Variants in UTY observed in about 807,000 individuals in gnomAD.
The protein encoded by UTY is ubiquitously transcribed tetratricopeptide repeat containing, Y-linked.
UTY carries 12 observed loss-of-function variants against 32.5 expected under a neutral mutation model. The observed-to-expected ratio is 0.37, with a 90% CI of 0.24 to 0.60. The LOEUF is 0.60. Among genes scored for constraint, UTY ranks in the 20% least tolerant of loss-of-function variants. The pLI is 0.69. For missense variants in UTY, 303 were observed against 299.2 expected, an observed-to-expected ratio of 1.01 and a Z score of -0.09; for synonymous variants, 131 against 103.4, an observed-to-expected ratio of 1.27 and a Z score of -1.62.
At chrY:13,380,061 G>A (rs867958341) in intron 8 of UTY, among the ~76,000 whole-genome samples, 5 of 3,629 alleles carry the variant, frequency 1.4e-3, no homozygotes, top group African/African-American at 9.7e-3. Flanking sequence ...GTGTGTGTGT[G>A]TATATATATA....
At chrY:13,296,284 G>A (rs2058029339) in intron 27 of UTY, among the ~76,000 whole-genome samples, 1 of 33,838 alleles carries the variant, frequency 3.0e-5, no homozygotes, top group African/African-American at 1.2e-4. Context: ...GCCCTGGCTT[G>A]TCCCTCCCTA....
At chrY:13,304,223 G>T (rs1275007104) in intron 24 of UTY, 1 of 106,319 alleles carries the variant, frequency 9.4e-6, no homozygotes, top group Non-Finnish European at 2.0e-5. Flanking sequence ...GAAGACAAAA[G>T]AAATTTTTTG....
chrY:13,283,477 A>T, intron 27 of UTY, among the ~76,000 whole-genome samples: 5 of 33,695 alleles, frequency 1.5e-4, no homozygotes, highest in African/African-American at 4.7e-4. Context: ...TGTTAAAAAA[A>T]TTTTCAAGAA....
chrY:13,417,599 G>A (rs750535544), intron 4 of UTY, among the ~76,000 whole-genome samples: 3 of 33,355 alleles, frequency 9.0e-5, no homozygotes, highest in Admixed American at 8.1e-4. Context: ...GGCACATCCA[G>A]GCTACACAAG....
At chrY:13,354,886 A>G in intron 17 of UTY, 117 bp downstream of exon 17, 1 of 362,722 alleles carries the variant, frequency 2.8e-6, no homozygotes, top group Non-Finnish European at 3.8e-6. Flanking sequence ...CAATTACTTA[A>G]ATTACTTTTT....
intron 2 of UTY, among the ~76,000 whole-genome samples, chrY:13,477,778 A>G (rs2079209521): frequency 3.0e-5 from 1 of 33,829 alleles, no homozygotes. Flanking sequence ...AGAAAACATC[A>G]AATTACTTTT....
At chrY:13,440,819 T>A (rs2075105521) in intron 4 of UTY, among the ~76,000 whole-genome samples, 2 of 33,604 alleles carry the variant, frequency 6.0e-5, no homozygotes, top group African/African-American at 1.2e-4. Context: ...CCTGCCAGAT[T>A]ACAAGAACAC....
chrY:13,386,395 C>T (rs1603447935), intron 8 of UTY, among the ~76,000 whole-genome samples: 10 of 31,968 alleles, frequency 3.1e-4, no homozygotes, highest in African/African-American at 1.2e-3. Flanking sequence ...CCACCGCGCC[C>T]GGCCAAGTCT....
intron 18 of UTY, among the ~76,000 whole-genome samples, chrY:13,332,182 T>A (rs928784739): frequency 1.8e-4 from 6 of 33,826 alleles, no homozygotes; most frequent in African/African-American, 6.9e-4. Flanking sequence ...AAAAAGGAGC[T>A]GGTACTATTC....
intron 7 of UTY, chrY:13,396,329 T>C (rs2068229110): frequency 3.0e-5 from 1 of 33,772 alleles, no homozygotes; most frequent in Non-Finnish European, 7.4e-5. Flanking sequence ...AAAAGGTCTT[T>C]AATATTCTAA....
rs747336467 is a variant in UTY at position 13,417,997 on chromosome Y, G to A, written c.376-3204C>T. On this transcript the variant is annotated intron_variant, in intron 4 of 29. Transcript: ENST00000545955. ...TGTTACGTATGTATACATGTGCCAC[G>A]TTGATGTGCTGCACCCATTAACTCG... 2.9e-4 allele frequency among the ~76,000 whole-genome samples: 9 copies of A among 30,682 alleles called. No homozygotes were observed. The East Asian group carries it at 7.1e-3, about 24-fold the overall frequency. 82.3% of individuals were successfully genotyped at this position (30,682 alleles called of 37,273 possible). A position where few individuals can be genotyped will look rare whatever the true frequency, so the allele number is the denominator to read the frequency against.
chrY:13,349,474 T>C (rs2062182043), intron 17 of UTY, among the ~76,000 whole-genome samples: 1 of 32,636 alleles, frequency 3.1e-5, no homozygotes, highest in Non-Finnish European at 7.4e-5. Flanking sequence ...AACAGAACAC[T>C]TGCAAAATAT....
downstream of UTY, among the ~76,000 whole-genome samples, chrY:13,246,617 C>A (rs2053950039): frequency 3.1e-5 from 1 of 31,825 alleles, no homozygotes; most frequent in Non-Finnish European, 7.6e-5. Flanking sequence ...GGTGCAGTGG[C>A]TCACACCTAT....
chrY:13,292,952 G>T (rs13304925), intron 27 of UTY, among the ~76,000 whole-genome samples: 1 of 33,068 alleles, frequency 3.0e-5, no homozygotes. Flanking sequence ...CATAAACCCT[G>T]AAAAAGTGAA....
At chrY:13,271,923 C>T in intron 27 of UTY, among the ~76,000 whole-genome samples, 1 of 33,475 alleles carries the variant, frequency 3.0e-5, no homozygotes, top group African/African-American at 1.2e-4. Flanking sequence ...TGATCAGACT[C>T]TGCAGGTTTC....
intron 8 of UTY, among the ~76,000 whole-genome samples, chrY:13,387,593 T>C (rs2067006464): frequency 3.0e-5 from 1 of 33,411 alleles, no homozygotes; most frequent in Admixed American, 2.7e-4. Flanking sequence ...GTGGATCACC[T>C]GAGGTCAAGA....
chrY:13,276,734 C>CA (rs2056723785), intron 27 of UTY, among the ~76,000 whole-genome samples: 3 of 31,917 alleles, frequency 9.4e-5, no homozygotes, highest in Non-Finnish European at 2.3e-4. Context: ...AAACCCCCCC[C>CA]AAAAAAAACA....
intron 8 of UTY, among the ~76,000 whole-genome samples, chrY:13,386,352 G>A: frequency 3.4e-5 from 1 of 29,598 alleles, no homozygotes; most frequent in African/African-American, 1.3e-4. Context: ...CGCCCGCCTC[G>A]GCCTCCCAAA....
intron 18 of UTY, among the ~76,000 whole-genome samples, chrY:13,330,602 C>T: frequency 3.0e-5 from 1 of 33,751 alleles, no homozygotes; most frequent in Non-Finnish European, 7.4e-5. Flanking sequence ...TGGGCAGACA[C>T]GGAGCTAGTT....
Sources: allele counts gnomAD v4.1 joint callset (sites outside exome capture counted in the v4.1 genomes callset), GRCh38; gene constraint gnomAD v4.1.1; transcripts MANE v1.5; gene names NCBI Gene and HGNC (gene_info 2026-07-23, HGNC 2026-07-21).